Variants in DLEU7 observed in about 807,000 individuals in gnomAD.
DLEU7 encodes leukemia-associated protein 7.
A neutral mutation model predicts 16.0 loss-of-function variants in DLEU7; 17 were observed. That is an observed-to-expected ratio of 1.06 (90% CI 0.73 to 1.59). DLEU7 has a LOEUF of 1.59. Among genes scored for constraint, DLEU7 ranks in the 40% most tolerant of loss-of-function variants. The pLI, the probability that DLEU7 is intolerant of heterozygous loss-of-function variation, is 0.00. For missense variants in DLEU7, 308 were observed against 314.9 expected (o/e 0.98, Z 0.17); for synonymous variants, 113 against 139.8 (o/e 0.81, Z 1.35).
At chr13:50,734,284 A>C (rs760579408) in intron 1 of DLEU7, among the ~76,000 whole-genome samples, 3 of 152,212 alleles carry the variant, frequency 2.0e-5, no homozygotes, top group Non-Finnish European at 4.4e-5. Context: ...TTTAATGTGA[A>C]ATTAGACCTG....
At chr13:50,796,225 TTAA>T (rs773021343) in intron 1 of DLEU7, among the ~76,000 whole-genome samples, 1 of 152,130 alleles carries the variant, frequency 6.6e-6, no homozygotes, top group African/African-American at 2.4e-5. Flanking sequence ...CAGTAACAGA[TTAA>T]TAATAACTAA....
intron 1 of DLEU7, among the ~76,000 whole-genome samples, chr13:50,730,732 G>A (rs182108301): frequency 3.7e-4 from 56 of 152,230 alleles, no homozygotes; most frequent in African/African-American, 1.2e-3. Flanking sequence ...TCACTCAATG[G>A]CTGCATCCCA....
chr13:50,843,776 G>T, upstream of DLEU7: 1 of 1,272,724 alleles, frequency 7.9e-7, no homozygotes, highest in South Asian at 1.5e-5. The surrounding 1 kb of genome is among the most constrained non-coding windows in gnomAD (Gnocchi z 5.7). Context: ...CACAGCGTGT[G>T]TGGTCGGCCC....
At chr13:50,740,080 GTTC>G (rs1468265764) in intron 1 of DLEU7, among the ~76,000 whole-genome samples, 22 of 152,122 alleles carry the variant, frequency 1.4e-4, no homozygotes, top group Admixed American at 1.3e-4. Context: ...AATGTTTCAA[GTTC>G]TTTTAAGCCT....
chr13:50,803,115 GA>G (rs369417036), intron 1 of DLEU7, among the ~76,000 whole-genome samples: 3 of 152,084 alleles, frequency 2.0e-5, no homozygotes, highest in African/African-American at 7.2e-5. Flanking sequence ...ACATCTGTAG[GA>G]AACATTCCTC....
At chr13:50,801,373 A>G (rs1040223192) in intron 1 of DLEU7, among the ~76,000 whole-genome samples, 3 of 152,104 alleles carry the variant, frequency 2.0e-5, no homozygotes, top group African/African-American at 7.2e-5. Flanking sequence ...ACCATTCTTT[A>G]GCAGCACGGA....
intron 1 of DLEU7, among the ~76,000 whole-genome samples, chr13:50,733,968 A>C (rs748824403): frequency 6.6e-6 from 1 of 152,182 alleles, no homozygotes; most frequent in Non-Finnish European, 1.5e-5. Flanking sequence ...GAAAGCTCCA[A>C]GCTGTATTAC....
chr13:50,732,606 CAAAA>C (rs58395582), intron 1 of DLEU7, among the ~76,000 whole-genome samples: 1 of 65,948 alleles, frequency 1.5e-5, no homozygotes, highest in Non-Finnish European at 2.6e-5. Context: ...GACTCCATCT[CAAAA>C]AAAAAAAAAA....
At chr13:50,792,676 G>A (rs868559204) in intron 1 of DLEU7, among the ~76,000 whole-genome samples, 11 of 151,902 alleles carry the variant, frequency 7.2e-5, no homozygotes, top group South Asian at 6.2e-4. Flanking sequence ...TGTTTTTTAC[G>A]TCATTCCACT....
rs557274274 is a variant in DLEU7 at position 50,728,542 on chromosome 13, A to G, written c.460-15302T>C. ...CTACACTCCCCAAAAGTGTTTTCCC[A>G]GGAAAGCCCTATTTTTTTTTCAGCG... On this transcript the variant is annotated intron_variant, in intron 1 of 1. Coordinates refer to the DLEU7 transcript ENST00000400393. Among the ~76,000 whole-genome samples the G allele has an allele frequency of 1.6e-3, 246 of 152,260 alleles. 1 individual carries two copies. Among genetic ancestry groups the G allele is most frequent in the Middle Eastern group, 6.8e-3 (2 of 292 alleles).
At chr13:50,740,973 C>T (rs900545011) in intron 1 of DLEU7, among the ~76,000 whole-genome samples, 2 of 152,036 alleles carry the variant, frequency 1.3e-5, no homozygotes, top group African/African-American at 4.8e-5. Context: ...CCCCTCTCCT[C>T]TCTACACTGT....
chr13:50,821,843 C>G (rs1876915882), downstream of DLEU7, among the ~76,000 whole-genome samples: 1 of 152,026 alleles, frequency 6.6e-6, no homozygotes, highest in Non-Finnish European at 1.5e-5. Flanking sequence ...GCTAATTTCC[C>G]TGGGGGAAGA....
intron 1 of DLEU7, among the ~76,000 whole-genome samples, chr13:50,784,594 T>C (rs550018986): frequency 2.0e-5 from 3 of 152,318 alleles, no homozygotes; most frequent in African/African-American, 4.8e-5. Context: ...GCATTTTCTA[T>C]GGGCACAAAT....
intron 1 of DLEU7, among the ~76,000 whole-genome samples, chr13:50,749,466 C>A (rs1405478411): frequency 6.6e-6 from 1 of 152,072 alleles, no homozygotes; most frequent in Non-Finnish European, 1.5e-5. Flanking sequence ...AGGGGGATTG[C>A]TGGATCAAAT....
intron 1 of DLEU7, among the ~76,000 whole-genome samples, chr13:50,747,121 AATTGTT>A (rs1874421725): frequency 6.6e-6 from 1 of 152,148 alleles, no homozygotes; most frequent in Non-Finnish European, 1.5e-5. Context: ...AATGGGTTAG[AATTGTT>A]ATTGTTAAGT....
At chr13:50,796,615 G>A (rs539022948) in intron 1 of DLEU7, among the ~76,000 whole-genome samples, 2 of 152,180 alleles carry the variant, frequency 1.3e-5, no homozygotes, top group South Asian at 2.1e-4. Flanking sequence ...AGTGGGAACT[G>A]CTATAGTCCA....
chr13:50,727,439 C>T (rs1873795143), intron 1 of DLEU7, among the ~76,000 whole-genome samples: 2 of 152,044 alleles, frequency 1.3e-5, no homozygotes, highest in Admixed American at 1.3e-4. Flanking sequence ...GAAGGTAATC[C>T]AGGATGAGGC....
At chr13:50,837,056 CTG>C (rs1445718425) in intron 1 of DLEU7, among the ~76,000 whole-genome samples, 1 of 152,208 alleles carries the variant, frequency 6.6e-6, no homozygotes, top group African/African-American at 2.4e-5. Flanking sequence ...AGATGTGTAA[CTG>C]TGTATTAATA....
intron 1 of DLEU7, among the ~76,000 whole-genome samples, chr13:50,833,163 C>T (rs1337102127): frequency 2.0e-5 from 3 of 152,246 alleles, no homozygotes; most frequent in Non-Finnish European, 4.4e-5. Flanking sequence ...TCTCTCACCA[C>T]TCCTATTCAA....
Sources: gnomAD v4.1 joint callset for allele counts (sites outside exome capture counted in the v4.1 genomes callset) on GRCh38, gnomAD v4.1.1 for gene constraint, Gnocchi (gnomAD v3.1) non-coding constraint, MANE v1.5 for transcripts, NCBI Gene and HGNC (gene_info 2026-07-23, HGNC 2026-07-21) for gene names.